The following EDIL3 variants were observed in gnomAD, a reference collection of about 807,000 sequenced individuals.
The protein encoded by EDIL3 is EGF like and discoidin domains 3.
EDIL3 carries 37 observed loss-of-function variants against 67.4 expected under a neutral mutation model. The ratio of observed to expected loss-of-function variants is 0.55; its 90% CI spans 0.42 to 0.72. The LOEUF (loss-of-function observed/expected upper bound fraction) is 0.72. Ranked by LOEUF, EDIL3 falls within the 30% of genes least tolerant of loss-of-function variation. The pLI is 0.00. For missense variants in EDIL3, 527 were observed against 586.3 expected (o/e 0.90, Z 1.04); for synonymous variants, 195 against 196.3 (o/e 0.99, Z 0.05).
In EDIL3 at chr5:83,965,744, A is replaced by G. The variant is rs537910698; in HGVS notation, c.1138-2384T>C. On this transcript the variant is annotated intron_variant, in intron 9 of 10. Transcript: ENST00000296591. ...AACAGATACGTTTTTCTCCCACTCT[A>G]ACGGCTCCCCTTCTGCAACATTTTT... 3.9e-5 allele frequency among the ~76,000 whole-genome samples: 6 copies of G among 151,948 alleles called. No individual in the cohort carries two copies. In the South Asian group the frequency reaches 1.3e-3, roughly 32 times the overall value.
intron 4 of EDIL3, among the ~76,000 whole-genome samples, chr5:84,154,749 A>G (rs533153934): frequency 1.4e-5 from 2 of 139,350 alleles, no homozygotes; most frequent in East Asian, 2.2e-4. Flanking sequence ...GCCCAGGCTG[A>G]AGTGCTGTGG....
chr5:83,995,910 C>A (rs900591325), intron 9 of EDIL3, among the ~76,000 whole-genome samples: 5 of 152,166 alleles, frequency 3.3e-5, no homozygotes, highest in African/African-American at 1.2e-4. Flanking sequence ...AATGTGCACT[C>A]TAAATTTACC....
rs763337769 is a variant in EDIL3 at position 84,028,718 on chromosome 5, CAT to C, written c.1137+31580_1137+31581del. ...TGTGTGTAAAATATACAGTCACACA[CAT>C]GTATATATTCATGTAAACACGGAGT... On this transcript the variant is annotated intron_variant, in intron 9 of 10. Transcript: ENST00000296591. 1.9e-3 allele frequency among the ~76,000 whole-genome samples: 292 copies of C among 151,994 alleles called. 2 individuals carry two copies. Among genetic ancestry groups the C allele is most frequent in the Non-Finnish European group, 3.3e-3 (224 of 67,986 alleles).
At chr5:84,132,573 T>C (rs934816911) in intron 5 of EDIL3, among the ~76,000 whole-genome samples, 1 of 111,562 alleles carries the variant, frequency 9.0e-6, no homozygotes, top group African/African-American at 3.4e-5. Context: ...TTTTAATATA[T>C]AATATATATT....
chr5:84,276,600 G>A (rs1166712741), intron 1 of EDIL3, among the ~76,000 whole-genome samples: 1 of 151,718 alleles, frequency 6.6e-6, no homozygotes, highest in African/African-American at 2.4e-5. Context: ...ATGGAGTCTT[G>A]CTCTGTCACC....
chr5:84,255,954 A>G (rs1745114639), intron 1 of EDIL3, among the ~76,000 whole-genome samples: 1 of 152,202 alleles, frequency 6.6e-6, no homozygotes, highest in Non-Finnish European at 1.5e-5. Context: ...TTTTAAGATA[A>G]GGAATCAATG....
intron 3 of EDIL3, among the ~76,000 whole-genome samples, chr5:84,199,008 C>A (rs908173147): frequency 2.6e-5 from 4 of 152,144 alleles, no homozygotes; most frequent in African/African-American, 9.6e-5. Flanking sequence ...GATTTTGCTT[C>A]TGAAGGAGAC....
At chr5:84,022,654 C>T (rs1159970039) in intron 9 of EDIL3, among the ~76,000 whole-genome samples, 1 of 151,806 alleles carries the variant, frequency 6.6e-6, no homozygotes. Flanking sequence ...GACAGACAGA[C>T]AGACAAATTG....
intron 1 of EDIL3, among the ~76,000 whole-genome samples, chr5:84,356,099 C>T (rs1296457139): frequency 6.6e-5 from 10 of 152,212 alleles, no homozygotes; most frequent in Non-Finnish European, 7.4e-5. Flanking sequence ...TATATAGGCA[C>T]CTTTCAAGGT....
At chr5:84,136,252 G>C (rs1748089918) in intron 5 of EDIL3, among the ~76,000 whole-genome samples, 1 of 152,198 alleles carries the variant, frequency 6.6e-6, no homozygotes, top group Non-Finnish European at 1.5e-5. Context: ...GTGTGTCTCA[G>C]TTTGTGCATC....
At chr5:84,018,988 A>G (rs1432198048) in intron 9 of EDIL3, among the ~76,000 whole-genome samples, 1 of 152,158 alleles carries the variant, frequency 6.6e-6, no homozygotes, top group Non-Finnish European at 1.5e-5. Context: ...TCGGTGTGGC[A>G]ATTCCTTAGG....
chr5:83,967,778 C>T (rs1055383876), intron 9 of EDIL3, among the ~76,000 whole-genome samples: 2 of 152,086 alleles, frequency 1.3e-5, no homozygotes, highest in African/African-American at 4.8e-5. Flanking sequence ...TTCGTGAAGA[C>T]ATTCTTGAAG....
rs377540250 is a variant in EDIL3, at chr5:84,052,727, G to A, written c.1137+7573C>T. On this transcript the variant is annotated intron_variant, in intron 9 of 10. Transcript: ENST00000296591. ...GAGACAAAGAAGGCCATTACATAAC[G>A]GTGAAGGAATCAATTCAACAAGAAG... Among the ~76,000 whole-genome samples the A allele has an allele frequency of 1.4e-4, 22 of 152,252 alleles. 1 individual carries two copies. The East Asian group carries it at 2.7e-3, about 19-fold the overall frequency.
At chr5:84,160,935 G>T (rs1006979747) in intron 4 of EDIL3, among the ~76,000 whole-genome samples, 19 of 151,172 alleles carry the variant, frequency 1.3e-4, no homozygotes, top group African/African-American at 4.4e-4. Flanking sequence ...TCTGAGATTT[G>T]GTGCACCCAT....
At chr5:84,377,295 G>A (rs956302863) in intron 1 of EDIL3, among the ~76,000 whole-genome samples, 3 of 145,550 alleles carry the variant, frequency 2.1e-5, no homozygotes, top group Non-Finnish European at 4.5e-5. Context: ...CCTGGGTAGC[G>A]AGACTCCGTC....
At chr5:84,273,800 C>T (rs1271538010) in intron 1 of EDIL3, among the ~76,000 whole-genome samples, 2 of 152,176 alleles carry the variant, frequency 1.3e-5, no homozygotes, top group Admixed American at 6.5e-5. Context: ...GATTCTTTCA[C>T]GCCTCTAAAT....
intron 1 of EDIL3, among the ~76,000 whole-genome samples, chr5:84,278,014 T>A (rs1034004706): frequency 6.6e-6 from 1 of 152,160 alleles, no homozygotes; most frequent in Non-Finnish European, 1.5e-5. Flanking sequence ...CCCAAATAAC[T>A]CAAAGTGGTT....
chr5:84,314,062 G>A (rs1238878599), intron 1 of EDIL3, among the ~76,000 whole-genome samples: 1 of 152,126 alleles, frequency 6.6e-6, no homozygotes, highest in Non-Finnish European at 1.5e-5. Flanking sequence ...CAGGTGGGGT[G>A]GCACCTGCCT....
At chr5:83,944,989 T>C (rs1337168257) in intron 10 of EDIL3, among the ~76,000 whole-genome samples, 2 of 151,940 alleles carry the variant, frequency 1.3e-5, no homozygotes, top group African/African-American at 4.8e-5. Context: ...TAGGCTAGAT[T>C]GGTTCAGTCT....
Sources: allele counts gnomAD v4.1 joint callset (sites outside exome capture counted in the v4.1 genomes callset), GRCh38; gene constraint gnomAD v4.1.1; transcripts MANE v1.5; gene names NCBI Gene and HGNC (gene_info 2026-07-23, HGNC 2026-07-21).